The following SLC14A2 variants were observed in gnomAD, a reference collection of about 807,000 sequenced individuals.
SLC14A2 encodes the protein urea transporter 2.
A neutral mutation model predicts 104.6 loss-of-function variants in SLC14A2; 91 were observed. The ratio of observed to expected loss-of-function variants is 0.87; its 90% confidence interval spans 0.73 to 1.04. The LOEUF (loss-of-function observed/expected upper bound fraction) is 1.04, where lower values mean the gene tolerates loss of function less well. SLC14A2 is among the 50% of genes least tolerant of loss of function. The pLI, the probability that SLC14A2 is intolerant of heterozygous loss-of-function variation, is 0.00. For synonymous variants in SLC14A2, 476 were observed against 466.4 expected (o/e 1.02, Z -0.27); for missense variants, 1,189 against 1,156.0 (o/e 1.03, Z -0.41).
At chr18:45,291,973 A>C (rs748251653) in intron 1 of SLC14A2, among the ~76,000 whole-genome samples, 1 of 152,176 alleles carries the variant, frequency 6.6e-6, no homozygotes, top group Non-Finnish European at 1.5e-5. Flanking sequence ...AATCCTTTCT[A>C]AATGGCTAAG....
At chr18:45,311,572 A>G (rs2085079379) in intron 1 of SLC14A2, among the ~76,000 whole-genome samples, 1 of 152,228 alleles carries the variant, frequency 6.6e-6, no homozygotes, top group Non-Finnish European at 1.5e-5. Flanking sequence ...AGTTAAAGAC[A>G]TATGGCTTAT....
chr18:45,227,125 A>C (rs2084126840), intron 1 of SLC14A2, among the ~76,000 whole-genome samples: 2 of 152,180 alleles, frequency 1.3e-5, no homozygotes, highest in South Asian at 4.1e-4. Context: ...TCTCCCCAGC[A>C]AAAGCAGACT....
At chr18:45,367,883 G>T (rs1432987240) in intron 1 of SLC14A2, among the ~76,000 whole-genome samples, 1 of 152,060 alleles carries the variant, frequency 6.6e-6, no homozygotes, top group Admixed American at 6.5e-5. Context: ...GAATAAAGTG[G>T]CAGCTCTTTA....
chr18:45,610,703 CTG>C (rs1175081677), upstream of SLC14A2, among the ~76,000 whole-genome samples: 1 of 152,198 alleles, frequency 6.6e-6, no homozygotes, highest in Non-Finnish European at 1.5e-5. Flanking sequence ...TTGCAAAACT[CTG>C]TAATTCCAAC....
chr18:45,311,029 A>G (rs1201995505), intron 1 of SLC14A2, among the ~76,000 whole-genome samples: 1 of 152,246 alleles, frequency 6.6e-6, no homozygotes, highest in Non-Finnish European at 1.5e-5. Context: ...AGCTTCAGAC[A>G]TGGGCAGGTA....
chr18:45,244,930 T>G lies in SLC14A2; in HGVS notation c.-125+31739T>G, dbSNP rs145242045. Among the ~76,000 whole-genome samples, 3 of 152,284 alleles carry G rather than the reference T, an allele frequency of 2.0e-5. No homozygotes were observed. The East Asian group carries it at 5.8e-4, about 29-fold the overall frequency. ...TTCCAGCCAATACCTACCAATAAAG[T>G]GTCATGTGCCAAACAAACACTGTTG... On this transcript the variant is annotated intron_variant, in intron 1 of 20. Coordinates refer to the SLC14A2 transcript ENST00000586448.
chr18:45,639,073 C>T (rs2045472591), intron 6 of SLC14A2, among the ~76,000 whole-genome samples: 1 of 152,238 alleles, frequency 6.6e-6, no homozygotes, highest in Non-Finnish European at 1.5e-5. Context: ...TCAGGCCATT[C>T]TCCAGATGTG....
intron 1 of SLC14A2, among the ~76,000 whole-genome samples, chr18:45,223,170 AG>A (rs1211649252): frequency 1.9e-4 from 29 of 152,286 alleles, no homozygotes; most frequent in Admixed American, 3.3e-4. Flanking sequence ...TTGCTTAGAG[AG>A]GTTCAGTGAC....
At chr18:45,575,494 C>T (rs948206193) in intron 2 of SLC14A2, among the ~76,000 whole-genome samples, 2 of 152,176 alleles carry the variant, frequency 1.3e-5, no homozygotes, top group Non-Finnish European at 2.9e-5. Flanking sequence ...CTCCCCTTCA[C>T]ACACACTAGG....
At chr18:45,450,667 T>A (rs1389331317) in intron 1 of SLC14A2, among the ~76,000 whole-genome samples, 3 of 152,118 alleles carry the variant, frequency 2.0e-5, no homozygotes, top group African/African-American at 4.8e-5. Flanking sequence ...GAATGCACAA[T>A]CCCCATATCT....
At chr18:45,332,713 G>C (rs986612774) in intron 1 of SLC14A2, among the ~76,000 whole-genome samples, 2 of 152,194 alleles carry the variant, frequency 1.3e-5, no homozygotes, top group Non-Finnish European at 2.9e-5. Context: ...AATCCAGGTT[G>C]ACAACTGCTA....
At chr18:45,250,767 T>TTTTTTTTTTTTTG in intron 1 of SLC14A2, among the ~76,000 whole-genome samples, 1 of 149,568 alleles carries the variant, frequency 6.7e-6, no homozygotes, top group Non-Finnish European at 1.5e-5. Flanking sequence ...TTTTTTTTTT[T>TTTTTTTTTTTTTG]TTTTTTTTTG....
chr18:45,272,903 A>G (rs931362564), intron 1 of SLC14A2, among the ~76,000 whole-genome samples: 3 of 152,022 alleles, frequency 2.0e-5, no homozygotes, highest in Admixed American at 6.6e-5. Context: ...ACACACAAAA[A>G]TTTTTTTAAA....
At chr18:45,247,337 C>T (rs985048616) in intron 1 of SLC14A2, among the ~76,000 whole-genome samples, 5 of 152,128 alleles carry the variant, frequency 3.3e-5, no homozygotes, top group Admixed American at 1.3e-4. Context: ...TATAAGTTTG[C>T]GAGAATTGAG....
chr18:45,626,605 C>T (rs1309012667), intron 3 of SLC14A2, among the ~76,000 whole-genome samples: 2 of 152,138 alleles, frequency 1.3e-5, no homozygotes, highest in South Asian at 2.1e-4. Flanking sequence ...CCCACCCCCC[C>T]ACCTTCCCCA....
chr18:45,557,918 A>G (rs1392532442), intron 2 of SLC14A2, among the ~76,000 whole-genome samples: 1 of 152,136 alleles, frequency 6.6e-6, no homozygotes, highest in African/African-American at 2.4e-5. Context: ...ACTCCTGATG[A>G]ATTCACCCCA....
chr18:45,506,175 T>G (rs1304777724), intron 2 of SLC14A2, among the ~76,000 whole-genome samples: 2 of 152,172 alleles, frequency 1.3e-5, no homozygotes, highest in Non-Finnish European at 2.9e-5. Context: ...ACACACTAAC[T>G]GAGGCCCCGT....
At chr18:45,420,622 A>G (rs1297551967) in intron 1 of SLC14A2, among the ~76,000 whole-genome samples, 1 of 152,174 alleles carries the variant, frequency 6.6e-6, no homozygotes, top group Non-Finnish European at 1.5e-5. Context: ...ATCTGATATA[A>G]TCTGGAATAA....
intron 2 of SLC14A2, among the ~76,000 whole-genome samples, chr18:45,600,897 G>A (rs114408544): frequency 6.6e-6 from 1 of 152,218 alleles, no homozygotes; most frequent in African/African-American, 2.4e-5. Flanking sequence ...TATGCAAATT[G>A]CACTTGTTGC....
Sources: allele counts gnomAD v4.1 joint callset (sites outside exome capture counted in the v4.1 genomes callset), GRCh38; gene constraint gnomAD v4.1.1; transcripts MANE v1.5; gene names NCBI Gene and HGNC (gene_info 2026-07-23, HGNC 2026-07-21).